NAA50: variants seen among roughly 807,000 people sequenced by gnomAD.
NAA50 encodes the protein N-alpha-acetyltransferase 50, NatE catalytic subunit.
NAA50 carries 7 observed loss-of-function variants against 20.7 expected under a neutral mutation model. The observed-to-expected ratio is 0.34, with a 90% CI of 0.19 to 0.63. NAA50 has a LOEUF of 0.63. Ranked by LOEUF, NAA50 falls within the 30% of genes least tolerant of loss-of-function variation. NAA50 has a pLI of 0.75. For missense variants in NAA50, 111 were observed against 199.1 expected (o/e 0.56, Z 2.66); for synonymous variants, 54 against 70.6 (o/e 0.77, Z 1.18).
intron 1 of NAA50, among the ~76,000 whole-genome samples, chr3:113,728,703 T>C (rs949729448): frequency 6.6e-6 from 1 of 152,220 alleles, no homozygotes; most frequent in Admixed American, 6.5e-5. Context: ...TCTCATTCAA[T>C]CTTGTAGTTG....
chr3:113,725,047 A>G (rs191399879), intron 1 of NAA50, among the ~76,000 whole-genome samples: 1 of 152,376 alleles, frequency 6.6e-6, no homozygotes, highest in East Asian at 1.9e-4. Flanking sequence ...GACTAATAAA[A>G]GGAGCATTCC....
At position 113,737,644 on chromosome 3, in the gene NAA50, G is replaced by A. The variant is rs181906517; in HGVS notation, c.8+8298C>T. Among the ~76,000 whole-genome samples the A allele has an allele frequency of 1.7e-4, 26 of 152,312 alleles. No homozygotes were observed. The East Asian group carries it at 5.0e-3, about 29-fold the overall frequency. On this transcript the variant is annotated intron_variant, in intron 1 of 4. Transcript: ENST00000240922. ...GGAATTACTAAATTACTTTTAGTAA[G>A]TTCCATCTTACCTAGATTTTACAGC...
intron 1 of NAA50, among the ~76,000 whole-genome samples, chr3:113,739,225 G>A (rs1007640005): frequency 5.3e-5 from 8 of 152,134 alleles, no homozygotes; most frequent in African/African-American, 1.7e-4. Flanking sequence ...TGTATTGAAC[G>A]CATCGCAAAG....
At chr3:113,744,087 A>C (rs1275113453) in intron 1 of NAA50, among the ~76,000 whole-genome samples, 2 of 152,126 alleles carry the variant, frequency 1.3e-5, no homozygotes, top group Non-Finnish European at 2.9e-5. Flanking sequence ...CATTTTTCTT[A>C]CTTAACAGAA....
intron 1 of NAA50, among the ~76,000 whole-genome samples, chr3:113,745,381 C>T (rs1014337350): frequency 5.3e-5 from 8 of 152,152 alleles, no homozygotes; most frequent in Non-Finnish European, 1.2e-4. Context: ...CGCGCTCTCT[C>T]CCCCTCCTCC....
chr3:113,744,700 T>C (rs973162017), intron 1 of NAA50, among the ~76,000 whole-genome samples: 1 of 152,186 alleles, frequency 6.6e-6, no homozygotes, highest in African/African-American at 2.4e-5. Flanking sequence ...ACTTTAAAGA[T>C]TATTAGTACA....
intron 1 of NAA50, among the ~76,000 whole-genome samples, chr3:113,728,522 T>C (rs1260776906): frequency 6.6e-6 from 1 of 152,202 alleles, no homozygotes; most frequent in Non-Finnish European, 1.5e-5. Flanking sequence ...TGCAGTCTAA[T>C]AAAACATGAA....
intron 1 of NAA50, among the ~76,000 whole-genome samples, chr3:113,727,298 CAAT>C (rs1276375843): frequency 3.3e-5 from 5 of 152,050 alleles, no homozygotes; most frequent in East Asian, 1.9e-4. Flanking sequence ...GAAGTATCAA[CAAT>C]AATAGTAACT....
chr3:113,723,865 T>G, intron 2 of NAA50, 94 bp downstream of exon 2: 2 of 1,339,566 alleles, frequency 1.5e-6, no homozygotes, highest in Non-Finnish European at 2.0e-6. Flanking sequence ...ATAAACAAAC[T>G]AAATTAGTTA....
intron 2 of NAA50, 99 bp downstream of exon 2, chr3:113,723,860 C>T: frequency 7.6e-7 from 1 of 1,315,262 alleles, no homozygotes; most frequent in Non-Finnish European, 1.0e-6. Flanking sequence ...ATAAAATAAA[C>T]AAACTAAATT....
rs920882433 is a variant in NAA50 at position 113,719,866 on chromosome 3, A to G, written c.*1894T>C. On this transcript the variant is annotated 3_prime_UTR_variant, in exon 5 of 5. Transcript: ENST00000240922. ...CATTTATATATCAAAGTCTATTTTG[A>G]TATCTGGGAAGTTTACAAAAAGGCT... 1 of 152,650 alleles carries G rather than the reference A, an allele frequency of 6.6e-6. No homozygotes were observed. Among genetic ancestry groups the G allele is most frequent in the Non-Finnish European group, 1.5e-5 (1 of 68,022 alleles). The allele number at this position is 152,650 out of a possible 1,614,324, so 9.5% of individuals were successfully genotyped here. A position where few individuals can be genotyped will look rare whatever the true frequency, so the allele number is the denominator to read the frequency against.
chr3:113,745,817 C>T, intron 1 of NAA50, 125 bp downstream of exon 1: 1 of 1,173,320 alleles, frequency 8.5e-7, no homozygotes, highest in South Asian at 1.5e-5. Context: ...AACTGAGAAG[C>T]AGAGAAATCT....
rs1482889390 is a variant in NAA50, at chr3:113,717,949, G to A, written c.*3811C>T. ...TAGCCAGTCTCCTAGAGGGCCCAAT[G>A]ATATCCACCTCCCAGTATTCACATC... On this transcript the variant is annotated 3_prime_UTR_variant, in exon 5 of 5. Transcript: ENST00000240922. 3 of 152,264 alleles carry A rather than the reference G, an allele frequency of 2.0e-5. No individual in the cohort carries two copies. The highest frequency in any genetic ancestry group is 7.2e-5 in the African/African-American group (3 of 41,386). The allele number at this position is 152,264 out of a possible 1,614,324, so 9.4% of individuals were successfully genotyped here.
In NAA50 at chr3:113,718,014, A is replaced by G. The variant is rs1708082215; in HGVS notation, c.*3746T>C. 6.6e-6 allele frequency: 1 copy of G among 152,136 alleles called. No homozygotes were observed. Among genetic ancestry groups the G allele is most frequent in the African/African-American group, 2.4e-5 (1 of 41,414 alleles). The allele number at this position is 152,136 out of a possible 1,614,324, so 9.4% of individuals were successfully genotyped here. On this transcript the variant is annotated 3_prime_UTR_variant, in exon 5 of 5. Coordinates refer to ENST00000240922, the MANE Select transcript of NAA50 (RefSeq NM_025146.4). ...TCCCACACTATACCAAGCTGATTCAATGGTTGGTCTGTGTGACTCATGGAA... is the reference window on the plus strand; with the variant it reads ...TCCCACACTATACCAAGCTGATTCAGTGGTTGGTCTGTGTGACTCATGGAA...
chr3:113,727,719 T>C (rs1305297353), intron 1 of NAA50, among the ~76,000 whole-genome samples: 2 of 152,048 alleles, frequency 1.3e-5, no homozygotes, highest in Non-Finnish European at 2.9e-5. Context: ...TTGCTGATAG[T>C]CTTCCAATAT....
chr3:113,743,278 T>C (rs1708441863), intron 1 of NAA50, among the ~76,000 whole-genome samples: 1 of 152,216 alleles, frequency 6.6e-6, no homozygotes, highest in African/African-American at 2.4e-5. Flanking sequence ...TTGACTGGCT[T>C]CGTGTTGGGA....
At chr3:113,730,281 A>G (rs1193947397) in intron 1 of NAA50, among the ~76,000 whole-genome samples, 1 of 152,158 alleles carries the variant, frequency 6.6e-6, no homozygotes, top group African/African-American at 2.4e-5. Context: ...AGCCTGAGTG[A>G]CAGAGTGAGA....
At chr3:113,744,439 G>A (rs1415913986) in intron 1 of NAA50, among the ~76,000 whole-genome samples, 1 of 151,614 alleles carries the variant, frequency 6.6e-6, no homozygotes, top group Non-Finnish European at 1.5e-5. Context: ...ACTCCAGCCT[G>A]GGCAACAGAG....
chr3:113,734,810 A>T (rs1708318577), intron 1 of NAA50, among the ~76,000 whole-genome samples: 1 of 152,208 alleles, frequency 6.6e-6, no homozygotes, highest in Non-Finnish European at 1.5e-5. Context: ...TTTGGAATAA[A>T]CACCTATAAA....
Sources: allele counts gnomAD v4.1 joint callset (sites outside exome capture counted in the v4.1 genomes callset), GRCh38; gene constraint gnomAD v4.1.1; transcripts MANE v1.5; gene names NCBI Gene and HGNC (gene_info 2026-07-23, HGNC 2026-07-21).